DLGAP2: variants seen among roughly 807,000 people sequenced by gnomAD.
The protein encoded by DLGAP2 is DLG associated protein 2.
Under a neutral mutation model 100.3 loss-of-function variants are expected in DLGAP2, and 26 were observed. The observed-to-expected ratio is 0.26, with a 90% CI of 0.19 to 0.36. The LOEUF is 0.36. Ranked by LOEUF, DLGAP2 falls within the 10% of genes least tolerant of loss-of-function variation. The pLI is 1.00. For synonymous variants in DLGAP2, 886 were observed against 630.1 expected, an observed-to-expected ratio of 1.41 and a Z score of -6.08; for missense variants, 1,858 against 1,453.2, an observed-to-expected ratio of 1.28 and a Z score of -4.53.
chr8:1,348,380 T>A (rs1444359385), intron 3 of DLGAP2, among the ~76,000 whole-genome samples: 1 of 149,168 alleles, frequency 6.7e-6, no homozygotes, highest in African/African-American at 2.5e-5. Context: ...TGTGTGGAGG[T>A]TGAGTTCCCA....
intron 6 of DLGAP2, among the ~76,000 whole-genome samples, chr8:1,624,400 C>G (rs1015042219): frequency 2.0e-5 from 3 of 151,990 alleles, no homozygotes; most frequent in Admixed American, 2.0e-4. Flanking sequence ...TGCTCGGGCT[C>G]CATAGCTCGG....
At chr8:1,453,957 C>T (rs976870305) in intron 3 of DLGAP2, among the ~76,000 whole-genome samples, 1 of 152,228 alleles carries the variant, frequency 6.6e-6, no homozygotes, top group African/African-American at 2.4e-5. Flanking sequence ...GATACAAAGC[C>T]AGATGTGGCG....
At chr8:843,596 C>T (rs528030289) in intron 1 of DLGAP2, among the ~76,000 whole-genome samples, 4 of 152,360 alleles carry the variant, frequency 2.6e-5, no homozygotes, top group African/African-American at 9.6e-5. Context: ...GATCCTGGGG[C>T]ACTTCCCCGT....
chr8:872,340 T>C (rs1797614999), intron 1 of DLGAP2, among the ~76,000 whole-genome samples: 1 of 149,834 alleles, frequency 6.7e-6, no homozygotes, highest in Non-Finnish European at 1.5e-5. Context: ...TTTCTTTTTT[T>C]TTTTTTTTTT....
chr8:1,152,176 A>G (rs113148179), intron 2 of DLGAP2, among the ~76,000 whole-genome samples: 18 of 152,300 alleles, frequency 1.2e-4, no homozygotes, highest in African/African-American at 3.6e-4. Context: ...CTATTTTGCT[A>G]TGAGAGTGTT....
intron 1 of DLGAP2, among the ~76,000 whole-genome samples, chr8:850,787 G>A (rs1009070347): frequency 3.9e-5 from 6 of 152,070 alleles, no homozygotes; most frequent in South Asian, 2.1e-4. Context: ...GTGTTGTAAT[G>A]CACTGTGATT....
chr8:1,348,608 T>C (rs78322247), intron 3 of DLGAP2, among the ~76,000 whole-genome samples: 5 of 151,974 alleles, frequency 3.3e-5, no homozygotes, highest in Admixed American at 6.5e-5. Context: ...ATTGCACTCA[T>C]GGTAGCTGTG....
intron 1 of DLGAP2, among the ~76,000 whole-genome samples, chr8:902,237 T>C (rs1267386802): frequency 1.3e-5 from 2 of 152,130 alleles, no homozygotes; most frequent in East Asian, 3.9e-4. Flanking sequence ...GCTCTGATCA[T>C]TCCTACTGGA....
At chr8:1,255,488 C>CCCT (rs1799179036) in intron 2 of DLGAP2, among the ~76,000 whole-genome samples, 1 of 93,438 alleles carries the variant, frequency 1.1e-5, no homozygotes, top group East Asian at 3.6e-4. Flanking sequence ...GTGTGTGTGT[C>CCCT]CTCATCTTGC....
chr8:1,541,335 G>A (rs1406566218), intron 4 of DLGAP2, among the ~76,000 whole-genome samples: 1 of 152,124 alleles, frequency 6.6e-6, no homozygotes. Context: ...GATTAAAATG[G>A]CCGTTGGAGA....
At chr8:1,510,373 C>T (rs1218403787) in intron 4 of DLGAP2, among the ~76,000 whole-genome samples, 4 of 152,210 alleles carry the variant, frequency 2.6e-5, no homozygotes, top group African/African-American at 7.2e-5. Context: ...TCCAGAGGAA[C>T]TCTGCAGTGC....
At chr8:780,450 T>C (rs962678436) in intron 1 of DLGAP2, among the ~76,000 whole-genome samples, 1 of 152,220 alleles carries the variant, frequency 6.6e-6, no homozygotes, top group Non-Finnish European at 1.5e-5. Flanking sequence ...GCAGTGACCA[T>C]AGTGGTACAG....
intron 2 of DLGAP2, among the ~76,000 whole-genome samples, chr8:1,130,234 C>G (rs530674576): frequency 4.6e-5 from 7 of 152,164 alleles, no homozygotes; most frequent in African/African-American, 1.7e-4. Context: ...ACTCTGGCCT[C>G]TTTAGATTTG....
At chr8:1,260,245 C>A (rs958340346) in intron 3 of DLGAP2, among the ~76,000 whole-genome samples, 1 of 152,010 alleles carries the variant, frequency 6.6e-6, no homozygotes, top group Non-Finnish European at 1.5e-5. Context: ...ACTTCCATTG[C>A]CATTCCCACC....
chr8:1,034,581 G>A (rs1232548708), intron 2 of DLGAP2, among the ~76,000 whole-genome samples: 15 of 78,132 alleles, frequency 1.9e-4, no homozygotes, highest in Non-Finnish European at 3.0e-4. Flanking sequence ...TCCCGACCCC[G>A]CGTGTCACCG....
rs541524503 is a variant in DLGAP2 at position 1,095,587 on chromosome 8, G to A, written c.74-163264G>A. 3.0e-4 allele frequency among the ~76,000 whole-genome samples: 46 copies of A among 152,254 alleles called. 2 individuals are homozygous for A. The South Asian group carries it at 8.1e-3, about 27-fold the overall frequency. ...CCGTCAACACTGTTGTGAGGCTTGG[G>A]GGTCTTCAAAGTAAACCATTTTCCG... On this transcript the variant is annotated intron_variant, in intron 2 of 14. Coordinates refer to ENST00000637795, the MANE Select transcript of DLGAP2 (RefSeq NM_001346810.2).
intron 5 of DLGAP2, among the ~76,000 whole-genome samples, chr8:1,561,530 C>A (rs1196788692): frequency 6.6e-6 from 1 of 152,154 alleles, no homozygotes; most frequent in African/African-American, 2.4e-5. Flanking sequence ...CCTGTCCAAC[C>A]CTCTCCTCAT....
At chr8:1,533,886 T>G (rs1801068962) in intron 4 of DLGAP2, among the ~76,000 whole-genome samples, 1 of 152,048 alleles carries the variant, frequency 6.6e-6, no homozygotes. Flanking sequence ...GAGCGGGAGT[T>G]TGAGGCGACA....
At chr8:1,464,332 G>A (rs74354693) in intron 3 of DLGAP2, among the ~76,000 whole-genome samples, 3,805 of 40,952 alleles carry the variant, frequency 0.093, 267 homozygotes, top group East Asian at 0.34. Flanking sequence ...CTTCCAGGAC[G>A]GCACCCTTCC....
Sources: allele counts gnomAD v4.1 joint callset (sites outside exome capture counted in the v4.1 genomes callset), GRCh38; gene constraint gnomAD v4.1.1; transcripts MANE v1.5; gene names NCBI Gene and HGNC (gene_info 2026-07-23, HGNC 2026-07-21).